The following PLEKHH1 variants were observed in gnomAD, a reference collection of about 807,000 sequenced individuals.
The protein encoded by PLEKHH1 is pleckstrin homology domain-containing family H member 1.
Under a neutral mutation model 160.0 loss-of-function variants are expected in PLEKHH1, and 104 were observed. That is an observed-to-expected ratio of 0.65 (90% CI 0.55 to 0.76). The LOEUF is 0.76. Among genes scored for constraint, PLEKHH1 ranks in the 30% least tolerant of loss-of-function variants. The probability of loss-of-function intolerance (pLI) is 0.00; values close to 1 mark genes in which losing one functional copy is unlikely to be tolerated. For missense variants in PLEKHH1, 1,427 were observed against 1,724.1 expected (o/e 0.83, Z 3.05); for synonymous variants, 619 against 678.4 (o/e 0.91, Z 1.36).
At position 67,558,055 on chromosome 14, in the gene PLEKHH1, T is replaced by C. The variant is rs566805150; in HGVS notation, c.339+637T>C. 3.3e-5 allele frequency among the ~76,000 whole-genome samples: 5 copies of C among 152,350 alleles called. No individual in the cohort carries two copies. The South Asian group carries it at 1.0e-3, about 32-fold the overall frequency. ...CACATGGGAGCCCAGGAGAGGCCAC[T>C]GCCCAGCATTTCAGCTCCACTTGGC... is the stretch of plus-strand genomic sequence containing the variant. On this transcript the variant is annotated intron_variant, in intron 4 of 28. Coordinates refer to ENST00000329153, the MANE Select transcript of PLEKHH1 (RefSeq NM_020715.3).
At chr14:67,555,700 C>CTTGA in intron 2 of PLEKHH1, 125 bp from the exon 3 acceptor site, 1 of 1,400,868 alleles carries the variant, frequency 7.1e-7, no homozygotes, top group South Asian at 1.3e-5. Context: ...TCTCGAGCCA[C>CTTGA]TTGAGATGGG....
Position 67,587,304 on chromosome 14 carries a change from T to C in PLEKHH1, c.*69T>C, listed in dbSNP as rs1040589896. ...ATTTAGAGATATATATCCTAGGGTATGATACTACTGTGACGGGTCTAACAG... is the reference window on the plus strand; with the variant it reads ...ATTTAGAGATATATATCCTAGGGTACGATACTACTGTGACGGGTCTAACAG... On this transcript the variant is annotated 3_prime_UTR_variant, in exon 29 of 29. Coordinates refer to ENST00000329153, the MANE Select transcript of PLEKHH1 (RefSeq NM_020715.3). The C allele has an allele frequency of 3.2e-6, 5 of 1,562,364 alleles. No homozygotes were observed. The highest frequency in any genetic ancestry group is 4.4e-6 in the Non-Finnish European group (5 of 1,133,024).
At chr14:67,570,679 C>T (rs1445710531) in intron 9 of PLEKHH1, 1 of 152,192 alleles carries the variant, frequency 6.6e-6, no homozygotes, top group African/African-American at 2.4e-5. Flanking sequence ...TTGCTTGTTC[C>T]CCTAACCACG....
chr14:67,567,524 C>T (rs1339516423), intron 7 of PLEKHH1, among the ~76,000 whole-genome samples: 4 of 151,878 alleles, frequency 2.6e-5, no homozygotes, highest in African/African-American at 4.8e-5. Flanking sequence ...TTTACTTGGG[C>T]TCGATGTATC....
chr14:67,562,803 G>T lies in PLEKHH1; in HGVS notation c.1172G>T (p.Arg391Ile), dbSNP rs1334274311. 4.3e-6 allele frequency: 7 copies of T among 1,613,846 alleles called. No individual in the cohort carries two copies. The highest frequency in any genetic ancestry group is 5.9e-6 in the Non-Finnish European group (7 of 1,179,796). Residue 391 changes from arginine (R) to isoleucine (I), a missense_variant, in exon 7 of 29, where the codon AGA (arginine) becomes ATA (isoleucine). Coordinates refer to ENST00000329153, the MANE Select transcript of PLEKHH1 (RefSeq NM_020715.3). Reference sequence around the variant, plus strand: ...CCCCCAGCAGGGAAGAATGAGGAAAGAGAGAGCCCAAAGGCCCTTGGAGCT... The same window carrying T: ...CCCCCAGCAGGGAAGAATGAGGAAATAGAGAGCCCAAAGGCCCTTGGAGCT... Reference protein sequence around the residue: ...EPPPAGKNEERESPKALGAEL... With the variant: ...EPPPAGKNEEIESPKALGAEL...
intron 1 of PLEKHH1, among the ~76,000 whole-genome samples, chr14:67,534,610 TCTA>T (rs2033623918): frequency 6.6e-6 from 1 of 152,122 alleles, no homozygotes; most frequent in Non-Finnish European, 1.5e-5. Flanking sequence ...TCAGTCCACT[TCTA>T]CCACCTTCCC....
intron 2 of PLEKHH1, among the ~76,000 whole-genome samples, chr14:67,552,838 G>C (rs2034451065): frequency 1.3e-5 from 2 of 152,114 alleles, no homozygotes; most frequent in African/African-American, 4.8e-5. Flanking sequence ...GGCAGTGACA[G>C]AGGGTGACCC....
intron 2 of PLEKHH1, among the ~76,000 whole-genome samples, chr14:67,552,659 C>A (rs866474146): frequency 2.7e-4 from 41 of 151,792 alleles, no homozygotes; most frequent in African/African-American, 9.4e-4. Context: ...CCCAGCTACT[C>A]GGGAGGCTAA....
intron 28 of PLEKHH1, 101 bp from the exon 29 acceptor site, chr14:67,586,973 A>G: frequency 1.3e-6 from 2 of 1,537,452 alleles, no homozygotes; most frequent in Non-Finnish European, 1.8e-6. Context: ...GAGATTAAAT[A>G]AACTGAGGCC....
At chr14:67,586,816 C>G (rs1234825327) in intron 28 of PLEKHH1, 1 of 1,452,956 alleles carries the variant, frequency 6.9e-7, no homozygotes, top group Non-Finnish European at 9.1e-7. Flanking sequence ...GTAGAGCTAA[C>G]CAGAGCAGAA....
At chr14:67,571,001 CAT>C (rs2035346259) in intron 9 of PLEKHH1, 1 of 152,300 alleles carries the variant, frequency 6.6e-6, no homozygotes, top group Admixed American at 6.5e-5. Context: ...GGATTACAGG[CAT>C]GAGCCACCAT....
Position 67,572,252 on chromosome 14 carries a change from C to G in PLEKHH1, c.1703C>G (p.Ser568Cys), listed in dbSNP as rs2035420194. The G allele has an allele frequency of 6.2e-7, 1 of 1,605,032 alleles. No individual in the cohort carries two copies. Residue 568 changes from serine (S) to cysteine (C), a missense_variant, in exon 11 of 29, where the codon TCC (serine) becomes TGC (cysteine). Around this residue, in one of 6 missense-constraint regions of PLEKHH1, gnomAD observed 831 missense variants for 929.2 expected, o/e 0.89. Coordinates refer to ENST00000329153, the MANE Select transcript of PLEKHH1 (RefSeq NM_020715.3). ...AAACTGCAGCGCACCTCATCCTACT[C>G]CACCGACGGGCTGGGCCTGGGCGGG... ...EHKLQRTSSY[S>C]TDGLGLGGES...
chr14:67,589,454 A>T lies in PLEKHH1; in HGVS notation c.*2219A>T, dbSNP rs578011165. On this transcript the variant is annotated 3_prime_UTR_variant, in exon 29 of 29. Transcript: ENST00000329153. ...TATAAAAAAAAATGCTGAGTAACAG[A>T]AAAGTATTAATGTGCTTGACACCAT... 1.0e-6 allele frequency: 1 copy of T among 985,398 alleles called. No homozygotes were observed. The highest frequency in any genetic ancestry group is 1.7e-5 in the African/African-American group (1 of 57,384). The allele number at this position is 985,398 out of a possible 1,614,324, so 61.0% of individuals were successfully genotyped here. A position where few individuals can be genotyped will look rare whatever the true frequency, so the allele number is the denominator to read the frequency against.
chr14:67,579,652 ACCT>A (rs1479029538), intron 21 of PLEKHH1, 66 bp from the exon 22 acceptor site: 2 of 1,475,032 alleles, frequency 1.4e-6, no homozygotes, highest in Non-Finnish European at 9.3e-7. Context: ...GTATCCAGAC[ACCT>A]CCACCAGCCC....
Position 67,586,095 on chromosome 14 carries a change from A to G in PLEKHH1, c.3931A>G (p.Lys1311Glu), listed in dbSNP as rs371360639. The G allele has an allele frequency of 1.9e-6, 3 of 1,613,786 alleles. No homozygotes were observed. Among genetic ancestry groups the G allele is most frequent in the East Asian group, 4.5e-5 (2 of 44,898 alleles). Residue 1311 changes from lysine (K) to glutamate (E), a missense_variant and splice_region_variant, in exon 28 of 29, where the codon AAG (lysine) becomes GAG (glutamate). By Grantham distance (56) the Lys-to-Glu change is moderately conservative. Around this residue, in one of 6 missense-constraint regions of PLEKHH1, gnomAD observed 96 missense variants for 97.6 expected, o/e 0.98. Coordinates refer to ENST00000329153, the MANE Select transcript of PLEKHH1 (RefSeq NM_020715.3). ...EKLIFRMAAP[K>E]IAEATFIMAS... Reference sequence around the variant, plus strand: ...GTTGATCTTCCGGATGGCTGCTCCCAAGGTAGGTCTGACAGCTGTTAAAAC... The same window carrying G: ...GTTGATCTTCCGGATGGCTGCTCCCGAGGTAGGTCTGACAGCTGTTAAAAC...
intron 2 of PLEKHH1, among the ~76,000 whole-genome samples, chr14:67,552,699 G>A (rs185492415): frequency 0.012 from 1,850 of 151,950 alleles, 43 homozygotes; most frequent in African/African-American, 0.043. Flanking sequence ...CCCGGGAGGC[G>A]GAGCTTGCAG....
At chr14:67,548,450 C>T (rs2034264526) in intron 2 of PLEKHH1, among the ~76,000 whole-genome samples, 1 of 152,294 alleles carries the variant, frequency 6.6e-6, no homozygotes, top group South Asian at 2.1e-4. Flanking sequence ...GTAATCCCAG[C>T]ACTTTGGGAG....
At chr14:67,547,561 G>A (rs1286863530) in intron 2 of PLEKHH1, among the ~76,000 whole-genome samples, 1 of 152,146 alleles carries the variant, frequency 6.6e-6, no homozygotes, top group Non-Finnish European at 1.5e-5. Flanking sequence ...CCACCCATCT[G>A]CTCCCCTACC....
At chr14:67,559,765 C>A (rs2034751393) in intron 5 of PLEKHH1, 74 bp downstream of exon 5, 3 of 940,136 alleles carry the variant, frequency 3.2e-6, no homozygotes, top group South Asian at 2.8e-5. Context: ...AGTTTCCTGC[C>A]CCCTACTGTC....
Sources: allele counts gnomAD v4.1 joint callset (sites outside exome capture counted in the v4.1 genomes callset), GRCh38; gene constraint gnomAD v4.1.1; regional missense constraint gnomAD v4.1.1; transcripts MANE v1.5; gene names NCBI Gene and HGNC (gene_info 2026-07-23, HGNC 2026-07-21).